The following C10orf90 variants were observed in gnomAD, a reference collection of about 807,000 sequenced individuals.
C10orf90 encodes the protein chromosome 10 open reading frame 90.
C10orf90 carries 56 observed loss-of-function variants against 62.5 expected under a neutral mutation model. That is an observed-to-expected ratio of 0.90 (90% CI 0.72 to 1.12). C10orf90 has a LOEUF of 1.12. C10orf90 is among the 50% of genes most tolerant of loss of function. C10orf90 has a pLI of 0.00. For missense variants in C10orf90, 970 were observed against 880.4 expected (o/e 1.10, Z -1.29); for synonymous variants, 386 against 340.4 (o/e 1.13, Z -1.47).
chr10:126,450,388 A>G (rs1468880963), intron 7 of C10orf90, among the ~76,000 whole-genome samples: 1 of 152,236 alleles, frequency 6.6e-6, no homozygotes, highest in Non-Finnish European at 1.5e-5. Flanking sequence ...CAAATAGCCC[A>G]AGCGATTGAG....
intron 2 of C10orf90, among the ~76,000 whole-genome samples, chr10:126,594,814 G>C (rs1278286818): frequency 2.6e-5 from 4 of 151,990 alleles, no homozygotes; most frequent in Non-Finnish European, 4.4e-5. Context: ...AGAAAGAGAA[G>C]GGATATGGCC....
chr10:126,544,747 A>G (rs149722792), intron 2 of C10orf90, among the ~76,000 whole-genome samples: 3 of 152,298 alleles, frequency 2.0e-5, no homozygotes, highest in East Asian at 3.9e-4. Flanking sequence ...CGCATAATTC[A>G]TGGGCTGGGA....
intron 6 of C10orf90, 96 bp from the exon 7 acceptor site, chr10:126,459,313 A>G (rs948825261): frequency 4.2e-5 from 61 of 1,435,352 alleles, no homozygotes; most frequent in Non-Finnish European, 5.7e-5. Flanking sequence ...TGGCAAGCAC[A>G]ACACTCAGAG....
chr10:126,565,075 A>T (rs1216489554), intron 2 of C10orf90, among the ~76,000 whole-genome samples: 26 of 23,626 alleles, frequency 1.1e-3, no homozygotes, highest in African/African-American at 1.6e-3. Flanking sequence ...TATTATATAT[A>T]ATATATAAAA....
intron 2 of C10orf90, among the ~76,000 whole-genome samples, chr10:126,580,254 T>C (rs544932390): frequency 1.3e-5 from 2 of 152,344 alleles, no homozygotes; most frequent in East Asian, 3.9e-4. Context: ...TTCTGAGACC[T>C]GGATAGTCAA....
At chr10:126,490,022 AT>A in intron 4 of C10orf90, among the ~76,000 whole-genome samples, 2 of 49,426 alleles carry the variant, frequency 4.0e-5, no homozygotes, top group East Asian at 1.3e-3. Flanking sequence ...ATTATATATA[AT>A]ATATAATATA....
chr10:126,670,496 G>T lies in C10orf90; in HGVS notation c.-16C>A, dbSNP rs1317006791. On this transcript the variant is annotated 5_prime_UTR_variant, in exon 1 of 10. Coordinates refer to ENST00000488181, the MANE Select transcript of C10orf90 (RefSeq NM_001350921.2). ...AGTGCTGCATGAGACTCAGTATCTT[G>T]TGACTTTAGCTAGTGAGACTGGCAA... The T allele has an allele frequency of 2.2e-6, 1 of 455,842 alleles. No individual in the cohort carries two copies. The highest frequency in any genetic ancestry group is 2.4e-5 in the Admixed American group (1 of 42,498). The allele number at this position is 455,842 out of a possible 1,614,324, so 28.2% of individuals were successfully genotyped here.
intron 2 of C10orf90, among the ~76,000 whole-genome samples, chr10:126,566,832 G>A (rs1249083653): frequency 6.6e-6 from 1 of 152,162 alleles, no homozygotes; most frequent in African/African-American, 2.4e-5. Flanking sequence ...TGGGAGGCAG[G>A]ACACACAGGA....
intron 2 of C10orf90, among the ~76,000 whole-genome samples, chr10:126,633,465 C>A (rs1845890341): frequency 1.3e-5 from 2 of 152,370 alleles, no homozygotes; most frequent in South Asian, 4.1e-4. Flanking sequence ...CTGGCCATTG[C>A]AGGGCTCCTG....
intron 1 of C10orf90, among the ~76,000 whole-genome samples, chr10:126,658,357 C>T (rs1466028460): frequency 6.6e-6 from 1 of 152,218 alleles, no homozygotes; most frequent in African/African-American, 2.4e-5. Flanking sequence ...TGTAGTCTTT[C>T]CTCACTCATC....
intron 2 of C10orf90, among the ~76,000 whole-genome samples, chr10:126,590,655 A>T (rs575825018): frequency 1.3e-5 from 2 of 152,302 alleles, no homozygotes; most frequent in East Asian, 3.9e-4. Flanking sequence ...CAAAGAGACA[A>T]CATACCAGAA....
intron 2 of C10orf90, among the ~76,000 whole-genome samples, chr10:126,530,962 C>T (rs1864077191): frequency 6.6e-6 from 1 of 151,944 alleles, no homozygotes; most frequent in South Asian, 2.1e-4. Flanking sequence ...TCACTTGAGG[C>T]CAGGAGTTCA....
intron 2 of C10orf90, among the ~76,000 whole-genome samples, chr10:126,575,442 A>T (rs1253613657): frequency 6.6e-6 from 1 of 152,128 alleles, no homozygotes; most frequent in Non-Finnish European, 1.5e-5. Flanking sequence ...AAACAAATGG[A>T]AAGACACCCC....
chr10:126,654,195 G>A (rs911950270), intron 1 of C10orf90, among the ~76,000 whole-genome samples: 2 of 152,176 alleles, frequency 1.3e-5, no homozygotes, highest in African/African-American at 4.8e-5. Flanking sequence ...GAGTCAGCCT[G>A]TCCTGTGGAA....
In C10orf90 at chr10:126,425,619, G is replaced by C; in HGVS notation, c.*245C>G. 5.5e-6 allele frequency: 3 copies of C among 549,446 alleles called. No individual in the cohort carries two copies. Among genetic ancestry groups the C allele is most frequent in the Non-Finnish European group, 6.3e-6 (2 of 315,012 alleles). The allele number at this position is 549,446 out of a possible 1,614,324, so 34.0% of individuals were successfully genotyped here. ...TAGAAGCAAAAACATTAAGGGGACT[G>C]TATCCAGTGGGTTACATGGAGGTGG... On this transcript the variant is annotated 3_prime_UTR_variant, in exon 10 of 10. Coordinates refer to ENST00000488181, the MANE Select transcript of C10orf90 (RefSeq NM_001350921.2).
intron 2 of C10orf90, among the ~76,000 whole-genome samples, chr10:126,532,087 C>T (rs974943513): frequency 6.6e-6 from 1 of 152,194 alleles, no homozygotes; most frequent in Non-Finnish European, 1.5e-5. Flanking sequence ...ATGAACTCCC[C>T]GATCATATAC....
intron 4 of C10orf90, among the ~76,000 whole-genome samples, chr10:126,490,993 T>C (rs749656242): frequency 3.9e-5 from 6 of 152,148 alleles, no homozygotes; most frequent in African/African-American, 7.2e-5. Flanking sequence ...TCAGTTCCCA[T>C]ACAGAAATGA....
chr10:126,569,791 T>C (rs568113688), intron 2 of C10orf90, among the ~76,000 whole-genome samples: 1 of 152,302 alleles, frequency 6.6e-6, no homozygotes, highest in South Asian at 2.1e-4. Context: ...ATAGCTCTTC[T>C]GATTGTCCCT....
intron 4 of C10orf90, 145 bp downstream of exon 4, chr10:126,503,812 G>T: frequency 9.9e-7 from 1 of 1,005,240 alleles, no homozygotes. Flanking sequence ...CGAGCTATCA[G>T]TTGTCAACTA....
Sources: gnomAD v4.1 joint callset for allele counts (sites outside exome capture counted in the v4.1 genomes callset) on GRCh38, gnomAD v4.1.1 for gene constraint, MANE v1.5 for transcripts, NCBI Gene and HGNC (gene_info 2026-07-23, HGNC 2026-07-21) for gene names.